Variants in SESN1 observed in about 807,000 individuals in gnomAD.
The protein encoded by SESN1 is sestrin 1, also known as sestrin-1.
In SESN1, 30 loss-of-function variants were observed where a neutral mutation model predicts 59.3. The observed-to-expected ratio is 0.51, with a 90% CI of 0.38 to 0.69. SESN1 has a LOEUF of 0.69. Among genes scored for constraint, SESN1 ranks in the 30% least tolerant of loss-of-function variants. The probability of loss-of-function intolerance (pLI) is 0.00; values close to 1 mark genes in which losing one functional copy is unlikely to be tolerated. For synonymous variants in SESN1, 197 were observed against 219.9 expected (o/e 0.90, Z 0.92); for missense variants, 566 against 673.0 (o/e 0.84, Z 1.76).
chr6:108,988,715 A>G (rs1332134764), intron 8 of SESN1, 28 bp from the exon 9 acceptor site: 1 of 1,552,238 alleles, frequency 6.4e-7, no homozygotes, highest in Non-Finnish European at 8.8e-7. Flanking sequence ...GAGAATTATG[A>G]TATTTTCAGT....
At chr6:109,035,652 T>C (rs1225334655) in intron 1 of SESN1, among the ~76,000 whole-genome samples, 1 of 152,178 alleles carries the variant, frequency 6.6e-6, no homozygotes, top group Non-Finnish European at 1.5e-5. Flanking sequence ...TCTCACTCTG[T>C]TGCCCAGGCT....
At chr6:109,019,765 A>G (rs1180782518) in intron 1 of SESN1, among the ~76,000 whole-genome samples, 1 of 152,228 alleles carries the variant, frequency 6.6e-6, no homozygotes, top group Non-Finnish European at 1.5e-5. Flanking sequence ...TTTTAGTATA[A>G]CAGGCAGGTT....
intron 1 of SESN1, among the ~76,000 whole-genome samples, chr6:109,032,698 T>C (rs1206491217): frequency 6.6e-6 from 1 of 151,928 alleles, no homozygotes; most frequent in Non-Finnish European, 1.5e-5. Context: ...GAATATAAAT[T>C]GGAAGATGGC....
intron 3 of SESN1, among the ~76,000 whole-genome samples, 193 bp downstream of exon 3, chr6:109,001,095 T>C (rs1421624415): frequency 6.6e-6 from 1 of 152,228 alleles, no homozygotes; most frequent in Non-Finnish European, 1.5e-5. Flanking sequence ...CAGCAATGTA[T>C]AAATACTTGC....
intron 1 of SESN1, among the ~76,000 whole-genome samples, chr6:109,023,453 GTTTT>G (rs1179741797): frequency 6.6e-6 from 1 of 151,890 alleles, no homozygotes; most frequent in Non-Finnish European, 1.5e-5. Context: ...GATCCACTAT[GTTTT>G]TTTGATACTT....
Position 108,985,333 on chromosome 6 carries a change from C to A in SESN1, c.*2211G>T, listed in dbSNP as rs906293039. Among the ~76,000 whole-genome samples, 14 of 152,182 alleles carry A rather than the reference C, an allele frequency of 9.2e-5. No individual in the cohort carries two copies. Among genetic ancestry groups the A allele is most frequent in the African/African-American group, 3.4e-4 (14 of 41,516 alleles). On this transcript the variant is annotated 3_prime_UTR_variant, in exon 10 of 10. Coordinates refer to ENST00000436639, the MANE Select transcript of SESN1 (RefSeq NM_014454.3). ...AATCCTGGGACCCTCAACCAGAAATCTTCTCATGATTATTTTAGAAGAAAA... is the reference window on the plus strand; with the variant it reads ...AATCCTGGGACCCTCAACCAGAAATATTCTCATGATTATTTTAGAAGAAAA...
At chr6:109,041,814 A>T (rs1052154995) in intron 1 of SESN1, among the ~76,000 whole-genome samples, 1 of 152,194 alleles carries the variant, frequency 6.6e-6, no homozygotes. Context: ...ATCAGCAAAA[A>T]TGTAGAGGAA....
rs139083590 is a variant in SESN1, at chr6:109,043,529, A to C, written c.280-41186T>G. Among the ~76,000 whole-genome samples the C allele has an allele frequency of 7.6e-3, 1,164 of 152,318 alleles. 22 individuals carry two copies. The highest frequency in any genetic ancestry group is 0.027 in the African/African-American group (1,111 of 41,568). On this transcript the variant is annotated intron_variant, in intron 1 of 9. Coordinates refer to ENST00000436639, the MANE Select transcript of SESN1 (RefSeq NM_014454.3). ...CTAATAAGGGAGTTGAGCAGGTTGCAGGATACAAAGTTAATATACAAGAGT... is the reference window on the plus strand; with the variant it reads ...CTAATAAGGGAGTTGAGCAGGTTGCCGGATACAAAGTTAATATACAAGAGT...
chr6:109,024,515 C>T (rs2114378528), intron 1 of SESN1, among the ~76,000 whole-genome samples: 1 of 152,320 alleles, frequency 6.6e-6, no homozygotes, highest in Non-Finnish European at 1.5e-5. Context: ...ATTAGTGCTT[C>T]TTACTCATGT....
At chr6:109,012,355 ATTC>A (rs1002175129) in intron 1 of SESN1, among the ~76,000 whole-genome samples, 1 of 152,070 alleles carries the variant, frequency 6.6e-6, no homozygotes, top group African/African-American at 2.4e-5. Context: ...AGTAATAGTA[ATTC>A]TGAAATATTT....
intron 1 of SESN1, among the ~76,000 whole-genome samples, chr6:109,079,076 TA>T (rs935407291): frequency 6.6e-6 from 1 of 151,614 alleles, no homozygotes; most frequent in Non-Finnish European, 1.5e-5. Flanking sequence ...TAATTACCAC[TA>T]AGAGAATAAA....
At chr6:109,010,945 T>C (rs775513499) in intron 1 of SESN1, among the ~76,000 whole-genome samples, 3 of 152,152 alleles carry the variant, frequency 2.0e-5, no homozygotes, top group Non-Finnish European at 2.9e-5. Flanking sequence ...AATGAATGAG[T>C]TGGACACATA....
intron 1 of SESN1, among the ~76,000 whole-genome samples, chr6:109,022,760 C>T (rs987530789): frequency 1.3e-5 from 2 of 151,960 alleles, no homozygotes; most frequent in Admixed American, 1.3e-4. Flanking sequence ...TATCATAACA[C>T]CTTAGGTACA....
chr6:109,012,610 T>C (rs1199090515), intron 1 of SESN1, among the ~76,000 whole-genome samples: 5 of 152,176 alleles, frequency 3.3e-5, no homozygotes, highest in Admixed American at 3.3e-4. Context: ...AAAAGACACC[T>C]GAGCTACAGC....
Position 109,010,884 on chromosome 6 carries a change from A to C in SESN1, c.280-8541T>G, listed in dbSNP as rs1434476215. Among the ~76,000 whole-genome samples, 5 of 152,214 alleles carry C rather than the reference A, an allele frequency of 3.3e-5. No homozygotes were observed. In the South Asian group the frequency reaches 1.0e-3, roughly 32 times the overall value. Reference sequence around the variant, plus strand: ...TACAAAAACAAAACAAACCCAGTACATCATGCAATTTGCAGCAATATGACA... The same window carrying C: ...TACAAAAACAAAACAAACCCAGTACCTCATGCAATTTGCAGCAATATGACA... On this transcript the variant is annotated intron_variant, in intron 1 of 9. Transcript: ENST00000436639.
chr6:109,093,018 A>G (rs1399610081), intron 1 of SESN1, among the ~76,000 whole-genome samples: 1 of 152,238 alleles, frequency 6.6e-6, no homozygotes, highest in Non-Finnish European at 1.5e-5. Flanking sequence ...ACAAGCATAT[A>G]TAAGGTGTTG....
chr6:109,007,790 T>C (rs1344714923), intron 1 of SESN1, among the ~76,000 whole-genome samples: 1 of 119,130 alleles, frequency 8.4e-6, no homozygotes, highest in African/African-American at 2.9e-5. Context: ...AGGTACTTTT[T>C]TTTTTTTTTT....
intron 1 of SESN1, among the ~76,000 whole-genome samples, chr6:109,068,323 CATAAT>C (rs777976426): frequency 1.5e-4 from 23 of 152,062 alleles, no homozygotes; most frequent in Non-Finnish European, 2.6e-4. Flanking sequence ...ATAAAATACT[CATAAT>C]ATAAGAACTG....
intron 5 of SESN1, among the ~76,000 whole-genome samples, chr6:108,997,155 T>C (rs1258381730): frequency 6.6e-6 from 1 of 152,210 alleles, no homozygotes; most frequent in Non-Finnish European, 1.5e-5. Flanking sequence ...GGGTAGGCCA[T>C]AAACCTTCTA....
Sources: gnomAD v4.1 joint callset for allele counts (sites outside exome capture counted in the v4.1 genomes callset) on GRCh38, gnomAD v4.1.1 for gene constraint, MANE v1.5 for transcripts, NCBI Gene and HGNC (gene_info 2026-07-23, HGNC 2026-07-21) for gene names.